COL5A2: variants seen among roughly 807,000 people sequenced by gnomAD.
COL5A2 encodes collagen alpha-2(V) chain.
Under a neutral mutation model 208.2 loss-of-function variants are expected in COL5A2, and 23 were observed. The ratio of observed to expected loss-of-function variants is 0.11; its 90% CI spans 0.08 to 0.16. COL5A2 has a LOEUF of 0.16. Among genes scored for constraint, COL5A2 ranks in the 10% least tolerant of loss-of-function variants. The pLI, the probability that COL5A2 is intolerant of heterozygous loss-of-function variation, is 1.00. For missense variants in COL5A2, 1,590 were observed against 1,956.4 expected, an observed-to-expected ratio of 0.81 and a Z score of 3.53; for synonymous variants, 625 against 628.5, an observed-to-expected ratio of 0.99 and a Z score of 0.08.
chr2:189,405,558 T>C, the COL5A2 span, among the ~76,000 whole-genome samples: 50 of 152,328 alleles, frequency 3.3e-4, no homozygotes, highest in Non-Finnish European at 6.0e-4. Context: ...ACAAGTTTAG[T>C]GTCACAGAAC....
At chr2:189,154,443 T>C (rs77938697) in intron 1 of COL5A2, among the ~76,000 whole-genome samples, 10,429 of 152,276 alleles carry the variant, frequency 0.068, 508 homozygotes, top group Middle Eastern at 0.12. Context: ...TGTGGGTTGA[T>C]ACCAGAGTGG....
chr2:189,179,309 T>A (rs962115480), intron 1 of COL5A2, among the ~76,000 whole-genome samples, 199 bp downstream of exon 1: 4 of 152,152 alleles, frequency 2.6e-5, no homozygotes, highest in Non-Finnish European at 4.4e-5. Flanking sequence ...GTGTACTCTC[T>A]CCAACGGTGG....
chr2:189,110,135 C>G, intron 2 of COL5A2, 90 bp downstream of exon 2: 1 of 998,198 alleles, frequency 1.0e-6, no homozygotes, highest in East Asian at 2.4e-5. Flanking sequence ...TAATTATTCT[C>G]TTGAGTTGCT....
the COL5A2 span, among the ~76,000 whole-genome samples, chr2:189,432,728 A>G: frequency 2.0e-5 from 3 of 152,166 alleles, no homozygotes; most frequent in African/African-American, 7.2e-5. Flanking sequence ...ACACAATAAT[A>G]ATGGGAGACT....
intron 35 of COL5A2, chr2:189,056,708 G>A: frequency 1.9e-6 from 1 of 524,792 alleles, no homozygotes; most frequent in Non-Finnish European, 3.4e-6. Flanking sequence ...AAAGATGATA[G>A]AGAAAGATAA....
At chr2:189,326,096 CA>C in the COL5A2 span, among the ~76,000 whole-genome samples, 69,829 of 96,952 alleles carry the variant, frequency 0.72, 23,497 homozygotes, top group Middle Eastern at 0.82. Flanking sequence ...GACCCTGTCT[CA>C]AAAAAAAAAA....
At chr2:189,419,118 A>T in the COL5A2 span, among the ~76,000 whole-genome samples, 2 of 152,004 alleles carry the variant, frequency 1.3e-5, no homozygotes, top group African/African-American at 4.8e-5. Context: ...ATGCTCTTTA[A>T]ATGTTCTGGG....
chr2:189,060,207 A>G (rs1685997564), intron 31 of COL5A2, among the ~76,000 whole-genome samples: 1 of 152,014 alleles, frequency 6.6e-6, no homozygotes, highest in African/African-American at 2.4e-5. Flanking sequence ...TTATTATAGC[A>G]TTTAGAGCAT....
chr2:189,323,759 T>C, the COL5A2 span, among the ~76,000 whole-genome samples: 1 of 152,158 alleles, frequency 6.6e-6, no homozygotes, highest in East Asian at 1.9e-4. Flanking sequence ...AGGTAATTTA[T>C]AGATTCAATG....
At chr2:189,186,751 C>G (rs1386687421) in intron 1 of COL5A2, among the ~76,000 whole-genome samples, 1 of 152,174 alleles carries the variant, frequency 6.6e-6, no homozygotes, top group Non-Finnish European at 1.5e-5. Context: ...ATAATAATAT[C>G]ATTTCAAGGA....
chr2:189,164,485 C>T (rs1688428787), intron 1 of COL5A2, among the ~76,000 whole-genome samples: 2 of 151,406 alleles, frequency 1.3e-5, no homozygotes, highest in East Asian at 3.9e-4. Context: ...TTTTATTTTG[C>T]TAAATAAAAG....
At chr2:189,223,911 G>A (rs1689380056) in intron 1 of COL5A2, among the ~76,000 whole-genome samples, 1 of 152,082 alleles carries the variant, frequency 6.6e-6, no homozygotes, top group Non-Finnish European at 1.5e-5. Context: ...TGTGTGGGTT[G>A]TACACAAATT....
chr2:189,138,721 A>G (rs1559121282), intron 1 of COL5A2, among the ~76,000 whole-genome samples: 1 of 152,198 alleles, frequency 6.6e-6, no homozygotes, highest in South Asian at 2.1e-4. Context: ...AAAAGTACAT[A>G]CACACAAAAA....
At chr2:189,207,949 T>A (rs1024209619) in intron 1 of COL5A2, among the ~76,000 whole-genome samples, 5 of 152,236 alleles carry the variant, frequency 3.3e-5, no homozygotes, top group Non-Finnish European at 7.3e-5. Flanking sequence ...ATTGTTAAAG[T>A]TATTAAAAAT....
At chr2:189,120,624 G>A (rs913170617) in intron 1 of COL5A2, among the ~76,000 whole-genome samples, 1 of 152,050 alleles carries the variant, frequency 6.6e-6, no homozygotes, top group Non-Finnish European at 1.5e-5. Flanking sequence ...ATTCTCCTTT[G>A]GTGTCCTATT....
At chr2:189,360,606 T>C in the COL5A2 span, among the ~76,000 whole-genome samples, 1 of 152,204 alleles carries the variant, frequency 6.6e-6, no homozygotes, top group African/African-American at 2.4e-5. Flanking sequence ...CTGGATGTTA[T>C]TTTGTTGTTT....
chr2:189,415,808 T>C, the COL5A2 span, among the ~76,000 whole-genome samples: 1 of 152,102 alleles, frequency 6.6e-6, no homozygotes, highest in African/African-American at 2.4e-5. Context: ...TACAGGCGCC[T>C]ACCACCACAC....
At chr2:189,390,881 A>G in the COL5A2 span, among the ~76,000 whole-genome samples, 1 of 152,168 alleles carries the variant, frequency 6.6e-6, no homozygotes, top group Non-Finnish European at 1.5e-5. Context: ...GGCATCCATA[A>G]TTTATTTCTG....
chr2:189,238,527 G>A, the COL5A2 span, among the ~76,000 whole-genome samples: 1 of 152,070 alleles, frequency 6.6e-6, no homozygotes, highest in Non-Finnish European at 1.5e-5. Context: ...CTGCCTGAGA[G>A]TGTATTAGTC....
Sources: gnomAD v4.1 joint callset for allele counts (sites outside exome capture counted in the v4.1 genomes callset) on GRCh38, gnomAD v4.1.1 for gene constraint, MANE v1.5 for transcripts, NCBI Gene and HGNC (gene_info 2026-07-23, HGNC 2026-07-21) for gene names.